The following MMP26 variants were observed in gnomAD, a reference collection of about 807,000 sequenced individuals.
The protein encoded by MMP26 is matrix metalloproteinase-26.
In MMP26, 33 loss-of-function variants were observed where a neutral mutation model predicts 31.0. The observed-to-expected ratio is 1.06, with a 90% CI of 0.81 to 1.42. The LOEUF is 1.42. MMP26 is among the 40% of genes most tolerant of loss of function. The pLI, the probability that MMP26 is intolerant of heterozygous loss-of-function variation, is 0.00. For synonymous variants in MMP26, 122 were observed against 114.9 expected (o/e 1.06, Z -0.40); for missense variants, 347 against 316.1 (o/e 1.10, Z -0.74).
Position 4,974,671 on chromosome 11 carries a change from G to A in MMP26, c.-144-13397G>A, listed in dbSNP as rs754687130. ...CTGTTTCCTCACTACCATAGATTTC[G>A]GAGTGCCTTTGCATCATCTTCTTAA... On this transcript the variant is annotated intron_variant, in intron 2 of 7. Coordinates refer to ENST00000380390, the MANE Select transcript of MMP26 (RefSeq NM_021801.5). Among the ~76,000 whole-genome samples the A allele has an allele frequency of 1.2e-4, 18 of 151,872 alleles. 2 individuals carry two copies. The highest frequency in any genetic ancestry group is 3.6e-4 in the African/African-American group (15 of 41,266).
intron 2 of MMP26, among the ~76,000 whole-genome samples, chr11:4,772,426 C>T (rs532888739): frequency 5.3e-5 from 8 of 152,294 alleles, no homozygotes; most frequent in African/African-American, 1.9e-4. Context: ...AGTCTCTAGG[C>T]TCCTATGCCT....
intron 2 of MMP26, among the ~76,000 whole-genome samples, chr11:4,968,290 T>G (rs2133627921): frequency 6.6e-6 from 1 of 152,220 alleles, no homozygotes; most frequent in South Asian, 2.1e-4. Context: ...TTAATTATCT[T>G]TTTTATTTGA....
chr11:4,774,904 T>C (rs375924416), intron 2 of MMP26, among the ~76,000 whole-genome samples: 1 of 152,168 alleles, frequency 6.6e-6, no homozygotes, highest in East Asian at 1.9e-4. Flanking sequence ...CCATTGCTTA[T>C]TTTTGTCAGG....
chr11:4,915,276 C>T (rs1851064067), intron 2 of MMP26: 1 of 1,613,838 alleles, frequency 6.2e-7, no homozygotes, highest in South Asian at 1.1e-5. Context: ...TGGCAGATAG[C>T]CACAAAGCGG....
At chr11:4,777,741 G>A (rs1178036765) in intron 2 of MMP26, among the ~76,000 whole-genome samples, 1 of 152,050 alleles carries the variant, frequency 6.6e-6, no homozygotes, top group Non-Finnish European at 1.5e-5. Flanking sequence ...TTGTGTCTGA[G>A]AAATTCTTCC....
chr11:4,854,935 G>T (rs2133503774), intron 2 of MMP26, among the ~76,000 whole-genome samples: 1 of 152,332 alleles, frequency 6.6e-6, no homozygotes, highest in East Asian at 1.9e-4. Flanking sequence ...CTCCGCTGGT[G>T]ATACCCAAGC....
intron 2 of MMP26, among the ~76,000 whole-genome samples, chr11:4,795,820 G>C (rs1290862154): frequency 2.0e-5 from 3 of 149,880 alleles, no homozygotes; most frequent in African/African-American, 7.4e-5. Context: ...GAAGGGGACA[G>C]GGAGAGAGAA....
At chr11:4,907,346 T>G (rs1421735050) in intron 2 of MMP26, 1 of 1,495,116 alleles carries the variant, frequency 6.7e-7, no homozygotes, top group Non-Finnish European at 9.3e-7. Context: ...CAGATCCGGC[T>G]AACGAGCTCA....
rs1846328977 is a variant in MMP26 at position 4,947,390 on chromosome 11, T to G, written c.-144-40678T>G. 7.2e-5 allele frequency among the ~76,000 whole-genome samples: 9 copies of G among 125,366 alleles called. No individual in the cohort carries two copies. The South Asian group carries it at 2.2e-3, about 30-fold the overall frequency. The allele number at this position is 125,366 out of a possible 152,430, so 82.2% of individuals were successfully genotyped here. Reference sequence around the variant, plus strand: ...ATTTAGTTACGCATCTGATTTCATTTTTTCCTGTAAAATATTAGTAAACGC... The same window carrying G: ...ATTTAGTTACGCATCTGATTTCATTGTTTCCTGTAAAATATTAGTAAACGC... On this transcript the variant is annotated intron_variant, in intron 2 of 7. Coordinates refer to ENST00000380390, the MANE Select transcript of MMP26 (RefSeq NM_021801.5).
intron 2 of MMP26, among the ~76,000 whole-genome samples, chr11:4,935,450 T>C (rs371288566): frequency 0.11 from 16,263 of 151,356 alleles, 979 homozygotes; most frequent in Middle Eastern, 0.24. Flanking sequence ...TTGCTGAAGT[T>C]GCTTATCAGC....
chr11:4,904,258 C>A (rs759265019), intron 2 of MMP26, among the ~76,000 whole-genome samples: 7 of 152,078 alleles, frequency 4.6e-5, no homozygotes, highest in Non-Finnish European at 7.4e-5. Context: ...ACTGCTTAAG[C>A]AGCTTTCCCA....
chr11:4,845,730 G>A (rs1207354209), intron 2 of MMP26, among the ~76,000 whole-genome samples: 1 of 152,056 alleles, frequency 6.6e-6, no homozygotes, highest in Middle Eastern at 3.2e-3. Flanking sequence ...TATATAAGGA[G>A]CTCTACAACT....
At chr11:4,906,605 G>A (rs565578774) in intron 2 of MMP26, among the ~76,000 whole-genome samples, 12 of 151,920 alleles carry the variant, frequency 7.9e-5, no homozygotes, top group South Asian at 2.1e-4. Context: ...CCAAATATTC[G>A]CAGTGATCTC....
chr11:4,833,381 G>A (rs941861097), intron 2 of MMP26, among the ~76,000 whole-genome samples: 1 of 152,226 alleles, frequency 6.6e-6, no homozygotes, highest in South Asian at 2.1e-4. Context: ...CTAATGAGAA[G>A]TTAGGAAAAG....
chr11:4,959,151 C>A (rs1456932613), intron 2 of MMP26, among the ~76,000 whole-genome samples: 1 of 143,302 alleles, frequency 7.0e-6, no homozygotes, highest in African/African-American at 2.6e-5. Context: ...GGCAGGAGAA[C>A]GGCGTGAATA....
At chr11:4,810,465 C>A (rs1461785059) in intron 2 of MMP26, among the ~76,000 whole-genome samples, 1 of 152,094 alleles carries the variant, frequency 6.6e-6, no homozygotes, top group Middle Eastern at 3.2e-3. Context: ...TAGTGTGCTA[C>A]CATCATGCTA....
chr11:4,956,710 C>G (rs1023666186), intron 2 of MMP26, among the ~76,000 whole-genome samples: 5 of 152,146 alleles, frequency 3.3e-5, no homozygotes, highest in African/African-American at 1.2e-4. Context: ...CATTAGACAT[C>G]GCTAACTAAA....
intron 2 of MMP26, among the ~76,000 whole-genome samples, chr11:4,979,380 C>T (rs1846782799): frequency 6.6e-6 from 1 of 152,138 alleles, no homozygotes; most frequent in African/African-American, 2.4e-5. Context: ...AAGGGATTGA[C>T]AGTCACTTGT....
At chr11:4,732,968 G>T (rs565230387) in intron 1 of MMP26, among the ~76,000 whole-genome samples, 9 of 152,334 alleles carry the variant, frequency 5.9e-5, no homozygotes, top group Non-Finnish European at 1.3e-4. Flanking sequence ...CAGGACACGT[G>T]AGTGTATATT....
Sources: allele counts gnomAD v4.1 joint callset (sites outside exome capture counted in the v4.1 genomes callset), GRCh38; gene constraint gnomAD v4.1.1; transcripts MANE v1.5; gene names NCBI Gene and HGNC (gene_info 2026-07-23, HGNC 2026-07-21).